The following SH2D4B variants were observed in gnomAD, a reference collection of about 807,000 sequenced individuals.
SH2D4B encodes the protein SH2 domain-containing protein 4B.
A neutral mutation model predicts 61.5 loss-of-function variants in SH2D4B; 45 were observed. The observed-to-expected ratio is 0.73, with a 90% confidence interval of 0.58 to 0.94. SH2D4B has a LOEUF of 0.94. Ranked by LOEUF, SH2D4B falls within the 40% of genes least tolerant of loss-of-function variation. The pLI is 0.00. For missense variants in SH2D4B, 572 were observed against 574.2 expected, an observed-to-expected ratio of 1.00 and a Z score of 0.04; for synonymous variants, 224 against 220.4, an observed-to-expected ratio of 1.02 and a Z score of -0.14.
rs1199297565 is a variant in SH2D4B at position 80,645,879 on chromosome 10, A to G, written c.*1794A>G. The G allele has an allele frequency of 6.6e-6, 1 of 152,194 alleles. No homozygotes were observed. Among genetic ancestry groups the G allele is most frequent in the Non-Finnish European group, 1.5e-5 (1 of 68,032 alleles). 9.4% of individuals were successfully genotyped at this position (152,194 alleles called of 1,614,324 possible). A position where few individuals can be genotyped will look rare whatever the true frequency, so the allele number is the denominator to read the frequency against. Reference sequence around the variant, plus strand: ...CTCACTACATGCATAAAGTGAAATGATGGAAGGAATCTGCTTTCTGAACTC... The same window carrying G: ...CTCACTACATGCATAAAGTGAAATGGTGGAAGGAATCTGCTTTCTGAACTC... On this transcript the variant is annotated 3_prime_UTR_variant, in exon 8 of 8. Coordinates refer to ENST00000646907, the MANE Select transcript of SH2D4B (RefSeq NM_001388272.1).
intron 7 of SH2D4B, among the ~76,000 whole-genome samples, chr10:80,642,204 A>T (rs1009639312): frequency 3.3e-5 from 5 of 152,172 alleles, no homozygotes; most frequent in African/African-American, 9.7e-5. Flanking sequence ...TGATCCTCCC[A>T]CCTCAGCATC....
chr10:80,602,320 G>C (rs1306424298), intron 4 of SH2D4B, among the ~76,000 whole-genome samples: 1 of 152,100 alleles, frequency 6.6e-6, no homozygotes, highest in Non-Finnish European at 1.5e-5. Context: ...AAACTTAGAT[G>C]GGCATGGTGG....
Position 80,588,882 on chromosome 10 carries a change from C to T in SH2D4B, c.643+105C>T. 2.1e-6 allele frequency: 3 copies of T among 1,397,776 alleles called. No homozygotes were observed. The Admixed American group carries it at 6.0e-5, about 28-fold the overall frequency. 86.6% of individuals were successfully genotyped at this position (1,397,776 alleles called of 1,614,324 possible). ...CGTCATTTCCATTCGCTCACTCACC[C>T]CATCAGCCTTTACTTGGACCCGGCC... On this transcript the variant is annotated intron_variant, in intron 4 of 7. Coordinates refer to ENST00000646907, the MANE Select transcript of SH2D4B (RefSeq NM_001388272.1).
chr10:80,636,970 G>T (rs1840191018), intron 7 of SH2D4B, among the ~76,000 whole-genome samples: 1 of 152,134 alleles, frequency 6.6e-6, no homozygotes. Context: ...TTTGTATAAG[G>T]TATAAGGAAG....
intron 4 of SH2D4B, among the ~76,000 whole-genome samples, chr10:80,590,127 A>C (rs1257130956): frequency 6.6e-6 from 1 of 152,158 alleles, no homozygotes; most frequent in Non-Finnish European, 1.5e-5. Context: ...GAGTGGGGGA[A>C]AACATGGGCA....
chr10:80,609,274 T>C (rs10881816), intron 5 of SH2D4B, 150 bp from the exon 6 acceptor site: 177,411 of 591,872 alleles, frequency 0.3, 34,923 homozygotes, highest in East Asian at 0.61. Flanking sequence ...CATTCTCTCA[T>C]GGCCCTCCCC....
intron 7 of SH2D4B, 126 bp downstream of exon 7, chr10:80,634,631 T>G: frequency 7.2e-7 from 1 of 1,389,264 alleles, no homozygotes; most frequent in Non-Finnish European, 9.6e-7. Context: ...GTCTCAGAGA[T>G]GTAGAGCATC....
rs1403557704 is a variant in SH2D4B, at chr10:80,571,509, G to A, written c.426G>A (p.Lys142=). ...ANEKARILAE[K]WKVEMEDRKA... is the part of the protein sequence containing the mutation. Reference sequence around the variant, plus strand: ...AGAAAGCCCGGATCTTGGCGGAGAAGTGGAAAGTGGAGATGGAAGACCGCA... The same window carrying A: ...AGAAAGCCCGGATCTTGGCGGAGAAATGGAAAGTGGAGATGGAAGACCGCA... The change falls in exon 3 of 8, where the codon AAG becomes AAA. Residue 142 remains lysine (K), a synonymous_variant. Coordinates refer to ENST00000646907, the MANE Select transcript of SH2D4B (RefSeq NM_001388272.1). 7.4e-6 allele frequency: 12 copies of A among 1,614,194 alleles called. No homozygotes were observed. Among genetic ancestry groups the A allele is most frequent in the South Asian group, 3.3e-5 (3 of 91,084 alleles).
At chr10:80,587,568 G>A (rs1159267618) in intron 3 of SH2D4B, among the ~76,000 whole-genome samples, 1 of 152,076 alleles carries the variant, frequency 6.6e-6, no homozygotes, top group Non-Finnish European at 1.5e-5. Context: ...CGTGAGCCAC[G>A]ACGCCCAGCT....
At chr10:80,607,665 C>T (rs932514088) in intron 5 of SH2D4B, among the ~76,000 whole-genome samples, 3 of 152,140 alleles carry the variant, frequency 2.0e-5, no homozygotes, top group Non-Finnish European at 2.9e-5. Flanking sequence ...TAAGGAGGTA[C>T]GCTGAGCACA....
intron 3 of SH2D4B, among the ~76,000 whole-genome samples, chr10:80,578,413 G>A (rs1185197181): frequency 6.7e-6 from 1 of 149,986 alleles, no homozygotes; most frequent in Admixed American, 6.6e-5. Flanking sequence ...AAGCTTACAG[G>A]GTGCCAGGGG....
chr10:80,639,293 C>G lies in SH2D4B; in HGVS notation c.1210-4700C>G, dbSNP rs563936245. Among the ~76,000 whole-genome samples, 4 of 152,302 alleles carry G rather than the reference C, an allele frequency of 2.6e-5. No individual in the cohort carries two copies. The South Asian group carries it at 8.3e-4, about 32-fold the overall frequency. Reference sequence around the variant, plus strand: ...TTGGGATGGAGAGTTCTGTAGATGTCTATTAGGCCTGCTTGGTGCAGAGCT... The same window carrying G: ...TTGGGATGGAGAGTTCTGTAGATGTGTATTAGGCCTGCTTGGTGCAGAGCT... On this transcript the variant is annotated intron_variant, in intron 7 of 7. Coordinates refer to ENST00000646907, the MANE Select transcript of SH2D4B (RefSeq NM_001388272.1).
intron 1 of SH2D4B, among the ~76,000 whole-genome samples, chr10:80,545,700 G>T (rs1564764451): frequency 6.6e-6 from 1 of 152,148 alleles, no homozygotes; most frequent in Non-Finnish European, 1.5e-5. Context: ...CAGAGATGGG[G>T]TGTGCATGGG....
intron 3 of SH2D4B, among the ~76,000 whole-genome samples, chr10:80,584,026 T>C (rs933604255): frequency 6.6e-6 from 1 of 152,238 alleles, no homozygotes; most frequent in Non-Finnish European, 1.5e-5. Flanking sequence ...TTCTGGATGA[T>C]AGAAGACAAG....
chr10:80,544,728 C>A (rs1157286783), intron 1 of SH2D4B, among the ~76,000 whole-genome samples: 1 of 152,246 alleles, frequency 6.6e-6, no homozygotes, highest in African/African-American at 2.4e-5. Flanking sequence ...CCCACCCTAC[C>A]TCAAGCTCAT....
At chr10:80,600,143 G>A (rs1204885658) in intron 4 of SH2D4B, among the ~76,000 whole-genome samples, 1 of 152,184 alleles carries the variant, frequency 6.6e-6, no homozygotes, top group Non-Finnish European at 1.5e-5. Context: ...AAGGAAAGAA[G>A]GTGTAGATAA....
At chr10:80,631,961 G>A (rs553224016) in intron 6 of SH2D4B, among the ~76,000 whole-genome samples, 6 of 152,068 alleles carry the variant, frequency 3.9e-5, no homozygotes, top group South Asian at 2.1e-4. Context: ...TGTTTGAGAC[G>A]GGGTCTTGCT....
intron 4 of SH2D4B, among the ~76,000 whole-genome samples, chr10:80,600,168 C>T (rs1842435023): frequency 6.6e-6 from 1 of 151,692 alleles, no homozygotes; most frequent in Admixed American, 6.6e-5. Context: ...ATTCAGGTTG[C>T]CCAAGATCAC....
intron 1 of SH2D4B, among the ~76,000 whole-genome samples, chr10:80,543,828 T>A (rs933279718): frequency 6.6e-6 from 1 of 152,134 alleles, no homozygotes; most frequent in Non-Finnish European, 1.5e-5. Flanking sequence ...ATGGACACTC[T>A]GTATCTAGCT....
Sources: allele counts gnomAD v4.1 joint callset (sites outside exome capture counted in the v4.1 genomes callset), GRCh38; gene constraint gnomAD v4.1.1; transcripts MANE v1.5; gene names NCBI Gene and HGNC (gene_info 2026-07-23, HGNC 2026-07-21).